Variants in CARMIL1 observed in about 807,000 individuals in gnomAD.
CARMIL1 encodes capping protein regulator and myosin 1 linker 1.
CARMIL1 carries 90 observed loss-of-function variants against 177.1 expected under a neutral mutation model. The ratio of observed to expected loss-of-function variants is 0.51; its 90% CI spans 0.43 to 0.61. The LOEUF (loss-of-function observed/expected upper bound fraction) is 0.61, where lower values mean the gene tolerates loss of function less well. Among genes scored for constraint, CARMIL1 ranks in the 20% least tolerant of loss-of-function variants. The probability of loss-of-function intolerance (pLI) is 0.00; values close to 1 mark genes in which losing one functional copy is unlikely to be tolerated. For synonymous variants in CARMIL1, 577 were observed against 606.2 expected (o/e 0.95, Z 0.71); for missense variants, 1,380 against 1,667.0 (o/e 0.83, Z 3.00).
chr6:25,554,579 T>TA lies in CARMIL1; in HGVS notation c.2592+493dup, dbSNP rs571237418. ...ACAGGTGCCTTGGATATAACCAAGG[T>TA]AAAAAAAAAATTTCTTCATCTAGAG... On this transcript the variant is annotated intron_variant, in intron 28 of 36. Coordinates refer to ENST00000329474, the MANE Select transcript of CARMIL1 (RefSeq NM_017640.6). This position sits in a 1 kb window ranked among gnomAD's most constrained non-coding sequence, Gnocchi z 4.6. Among the ~76,000 whole-genome samples, 275 of 150,804 alleles carry TA rather than the reference T, an allele frequency of 1.8e-3. 1 individual carries two copies. Among genetic ancestry groups the TA allele is most frequent in the East Asian group, 3.9e-3 (20 of 5,148 alleles).
At chr6:25,309,297 A>G (rs7746969) in intron 2 of CARMIL1, among the ~76,000 whole-genome samples, 30,748 of 149,866 alleles carry the variant, frequency 0.21, 4,095 homozygotes, top group East Asian at 0.4. Flanking sequence ...GGAGGTTGCA[A>G]TGAGCTCAGA....
At chr6:25,535,460 A>G (rs1391210504) in intron 24 of CARMIL1, among the ~76,000 whole-genome samples, 1 of 152,182 alleles carries the variant, frequency 6.6e-6, no homozygotes, top group Non-Finnish European at 1.5e-5. Context: ...AAGAAGACAG[A>G]TTAAGACTCA....
intron 2 of CARMIL1, among the ~76,000 whole-genome samples, chr6:25,399,550 G>T (rs1793718879): frequency 6.6e-6 from 1 of 152,172 alleles, no homozygotes; most frequent in Non-Finnish European, 1.5e-5. Context: ...AAGCCTTAAG[G>T]CATTCAGAAA....
intron 2 of CARMIL1, among the ~76,000 whole-genome samples, chr6:25,333,454 T>C (rs1024424432): frequency 2.0e-5 from 3 of 152,056 alleles, no homozygotes; most frequent in African/African-American, 7.2e-5. Flanking sequence ...TAGTCCCTGC[T>C]ACTTGGGAGG....
rs1810517992 is a variant in CARMIL1, at chr6:25,555,423, T to A, written c.2593-1278T>A. On this transcript the variant is annotated intron_variant, in intron 28 of 36. Coordinates refer to ENST00000329474, the MANE Select transcript of CARMIL1 (RefSeq NM_017640.6). The stretch of plus-strand genomic sequence containing the variant: ...CATTCATTCATTCATTCATTCAGGA[T>A]GGAGTCTTGCTCTGTCACTCAGGCC... 3.3e-5 allele frequency among the ~76,000 whole-genome samples: 5 copies of A among 150,212 alleles called. No homozygotes were observed. In the South Asian group the frequency reaches 1.0e-3, roughly 31 times the overall value.
At chr6:25,368,170 C>T (rs761617049) in intron 2 of CARMIL1, among the ~76,000 whole-genome samples, 14 of 152,168 alleles carry the variant, frequency 9.2e-5, no homozygotes, top group Non-Finnish European at 8.8e-5. Flanking sequence ...GAACCCTGAT[C>T]CTTACTGGAG....
At chr6:25,290,744 CT>C (rs1283353560) in intron 2 of CARMIL1, among the ~76,000 whole-genome samples, 1 of 152,164 alleles carries the variant, frequency 6.6e-6, no homozygotes, top group Non-Finnish European at 1.5e-5. Context: ...AACTGCCCAT[CT>C]GTTGTCCATT....
intron 2 of CARMIL1, among the ~76,000 whole-genome samples, chr6:25,378,686 G>A (rs138442284): frequency 9.3e-4 from 141 of 152,168 alleles, no homozygotes; most frequent in Non-Finnish European, 8.2e-4. Flanking sequence ...GGATTGCCAG[G>A]TTCCCCAGTA....
At position 25,279,636 on chromosome 6, in the gene CARMIL1, G is replaced by T; in HGVS notation, c.-160G>T. On this transcript the variant is annotated 5_prime_UTR_variant, in exon 1 of 37. Coordinates refer to ENST00000329474, the MANE Select transcript of CARMIL1 (RefSeq NM_017640.6). ...CTTTTTTTTTTTTTTGGTGGGGCGG[G>T]GGGCGCGCGGCAAAATTCTGTCTCC... The T allele has an allele frequency of 1.5e-6, 1 of 662,606 alleles. No homozygotes were observed. Among genetic ancestry groups the T allele is most frequent in the South Asian group, 1.8e-5 (1 of 56,124 alleles). The allele number at this position is 662,606 out of a possible 1,614,324, so 41.0% of individuals were successfully genotyped here.
intron 2 of CARMIL1, among the ~76,000 whole-genome samples, chr6:25,298,882 G>A (rs1014745868): frequency 2.0e-5 from 3 of 151,730 alleles, no homozygotes; most frequent in Non-Finnish European, 4.4e-5. Context: ...AAATTCCCGA[G>A]TAGCTAGTAT....
At chr6:25,411,554 C>A (rs151112545) in intron 2 of CARMIL1, among the ~76,000 whole-genome samples, 1 of 152,214 alleles carries the variant, frequency 6.6e-6, no homozygotes, top group East Asian at 1.9e-4. Context: ...CACCTGTGGG[C>A]GAACATTAGA....
chr6:25,281,136 G>GCGCA (rs10642536), intron 1 of CARMIL1, among the ~76,000 whole-genome samples: 1,819 of 132,140 alleles, frequency 0.014, 13 homozygotes, highest in Non-Finnish European at 0.017. Context: ...GTGCGCGCGC[G>GCGCA]CACACACACA....
chr6:25,524,284 A>G (rs1806874521), intron 23 of CARMIL1, among the ~76,000 whole-genome samples: 1 of 152,244 alleles, frequency 6.6e-6, no homozygotes, highest in Non-Finnish European at 1.5e-5. Flanking sequence ...TCATAAGATT[A>G]TAGAATACTT....
intron 5 of CARMIL1, among the ~76,000 whole-genome samples, chr6:25,439,084 A>G (rs1007465928): frequency 1.3e-5 from 2 of 151,858 alleles, no homozygotes; most frequent in Non-Finnish European, 2.9e-5. Context: ...AAAGAGAAGA[A>G]AAACAAGGAT....
At chr6:25,479,348 T>C (rs1801878936) in intron 11 of CARMIL1, 1 of 427,844 alleles carries the variant, frequency 2.3e-6, no homozygotes, top group South Asian at 1.8e-5. Flanking sequence ...CTTGAATAGA[T>C]AGAGAACTAT....
intron 8 of CARMIL1, among the ~76,000 whole-genome samples, chr6:25,464,121 C>A (rs1330064264): frequency 6.6e-6 from 1 of 152,120 alleles, no homozygotes; most frequent in Non-Finnish European, 1.5e-5. Flanking sequence ...TGCGCCCGGC[C>A]AGTTGTTCTC....
chr6:25,480,655 T>A (rs1370067840), intron 11 of CARMIL1, among the ~76,000 whole-genome samples: 1 of 119,114 alleles, frequency 8.4e-6, no homozygotes, highest in African/African-American at 3.2e-5. Flanking sequence ...TTTAAATTAT[T>A]TATATTTAAT....
At chr6:25,591,938 C>T (rs547601305) in intron 31 of CARMIL1, among the ~76,000 whole-genome samples, 1 of 152,262 alleles carries the variant, frequency 6.6e-6, no homozygotes, top group South Asian at 2.1e-4. Context: ...ATTGATGTAC[C>T]CCACATCCCC....
intron 26 of CARMIL1, among the ~76,000 whole-genome samples, chr6:25,542,835 A>AT (rs1036818937): frequency 4.6e-5 from 7 of 151,984 alleles, no homozygotes; most frequent in Admixed American, 4.6e-4. Context: ...CAATGCATTG[A>AT]TTTTCTTAAA....
Sources: gnomAD v4.1 joint callset for allele counts (sites outside exome capture counted in the v4.1 genomes callset) on GRCh38, gnomAD v4.1.1 for gene constraint, Gnocchi (gnomAD v3.1) non-coding constraint, MANE v1.5 for transcripts, NCBI Gene and HGNC (gene_info 2026-07-23, HGNC 2026-07-21) for gene names.